TYW1: variants seen among roughly 807,000 people sequenced by gnomAD.
TYW1 encodes the protein tRNA-yW synthesizing protein 1 homolog.
In TYW1, 46 loss-of-function variants were observed where a neutral mutation model predicts 96.2. The ratio of observed to expected loss-of-function variants is 0.48; its 90% confidence interval spans 0.38 to 0.61. The LOEUF (loss-of-function observed/expected upper bound fraction) is 0.61. Among genes scored for constraint, TYW1 ranks in the 20% least tolerant of loss-of-function variants. The pLI, the probability that TYW1 is intolerant of heterozygous loss-of-function variation, is 0.00. For missense variants in TYW1, 684 were observed against 909.6 expected, an observed-to-expected ratio of 0.75 and a Z score of 3.19; for synonymous variants, 274 against 323.0, an observed-to-expected ratio of 0.85 and a Z score of 1.63.
chr7:67,091,861 T>C (rs1796730954), intron 11 of TYW1, among the ~76,000 whole-genome samples: 1 of 152,198 alleles, frequency 6.6e-6, no homozygotes, highest in South Asian at 2.1e-4. Flanking sequence ...ATTTTGTTTG[T>C]TTTTGTGATT....
At chr7:67,036,663 C>T (rs1410268675) in intron 7 of TYW1, among the ~76,000 whole-genome samples, 1 of 152,198 alleles carries the variant, frequency 6.6e-6, no homozygotes, top group Middle Eastern at 3.2e-3. Flanking sequence ...CGTGCTGGAA[C>T]AAGAGGTATT....
At chr7:67,057,818 A>T in intron 9 of TYW1, among the ~76,000 whole-genome samples, 1 of 152,306 alleles carries the variant, frequency 6.6e-6, no homozygotes, top group South Asian at 2.1e-4. Flanking sequence ...TTGAATGTGC[A>T]TTGTGAATAT....
chr7:67,071,531 C>T (rs1007084162), intron 10 of TYW1, among the ~76,000 whole-genome samples: 1 of 151,962 alleles, frequency 6.6e-6, no homozygotes, highest in Non-Finnish European at 1.5e-5. Flanking sequence ...TGGCCCACTG[C>T]AACCTCCACT....
intron 13 of TYW1, among the ~76,000 whole-genome samples, chr7:67,153,681 TAGA>T (rs1425108544): frequency 1.3e-5 from 2 of 152,204 alleles, no homozygotes; most frequent in Non-Finnish European, 2.9e-5. Flanking sequence ...TTTCACTCCC[TAGA>T]AGGAGTATCT....
chr7:67,067,150 T>A (rs1795891523), intron 9 of TYW1, 135 bp from the exon 10 acceptor site: 1 of 998,174 alleles, frequency 1.0e-6, no homozygotes, highest in Non-Finnish European at 1.5e-6. Flanking sequence ...GATGCGAATT[T>A]CCTGCGTCAT....
chr7:67,099,232 A>G (rs532784742), intron 12 of TYW1, among the ~76,000 whole-genome samples: 3 of 152,008 alleles, frequency 2.0e-5, no homozygotes, highest in African/African-American at 4.8e-5. Context: ...GGCTTTCACC[A>G]TGTTGGCCAA....
intron 15 of TYW1, among the ~76,000 whole-genome samples, chr7:67,219,845 G>GTTTTTTTTTTTTTTTTTTTTTT (rs57991071): frequency 7.6e-6 from 1 of 132,070 alleles, no homozygotes; most frequent in Non-Finnish European, 1.6e-5. Flanking sequence ...GGTTTTGTGG[G>GTTTTTTTTTTTTTTTTTTTTTT]TTTTTTTTTT....
chr7:67,020,265 C>A (rs982533366), intron 6 of TYW1, among the ~76,000 whole-genome samples: 1 of 152,270 alleles, frequency 6.6e-6, no homozygotes, highest in Admixed American at 6.5e-5. Flanking sequence ...GCCTGTAAAT[C>A]CCTGCTACTC....
chr7:67,004,350 G>A lies in TYW1; in HGVS notation c.274-5233G>A, dbSNP rs555624429. Among the ~76,000 whole-genome samples the A allele has an allele frequency of 5.3e-5, 8 of 152,168 alleles. No homozygotes were observed. In the East Asian group the frequency reaches 1.5e-3, roughly 29 times the overall value. ...CCTCCTGAATAGATGAATCCCTGGG[G>A]GAGGGGTGAGTGAGTTCTTGCTGTC... is the stretch of plus-strand genomic sequence containing the variant. On this transcript the variant is annotated intron_variant, in intron 3 of 15. Coordinates refer to ENST00000359626, the MANE Select transcript of TYW1 (RefSeq NM_018264.4).
chr7:67,039,881 T>C (rs1222278419), intron 7 of TYW1, among the ~76,000 whole-genome samples: 2 of 152,054 alleles, frequency 1.3e-5, no homozygotes, highest in African/African-American at 4.8e-5. Flanking sequence ...CAGGATGGTC[T>C]TGATCCATTG....
intron 15 of TYW1, among the ~76,000 whole-genome samples, chr7:67,206,748 C>T (rs1800814496): frequency 1.3e-5 from 2 of 152,048 alleles, no homozygotes; most frequent in South Asian, 4.1e-4. Context: ...GAAGAATACA[C>T]TAAAATGATC....
chr7:67,070,841 G>A (rs1197838763), intron 10 of TYW1, among the ~76,000 whole-genome samples: 1 of 152,020 alleles, frequency 6.6e-6, no homozygotes, highest in Admixed American at 6.6e-5. Flanking sequence ...GTTGAAAACT[G>A]TATATTTTGG....
chr7:67,010,329 A>G (rs1254877781), intron 4 of TYW1, among the ~76,000 whole-genome samples: 1 of 151,580 alleles, frequency 6.6e-6, no homozygotes, highest in Non-Finnish European at 1.5e-5. Context: ...AATTTATTTT[A>G]TAGAGACAGG....
chr7:67,106,139 C>T (rs1377418364), intron 12 of TYW1, among the ~76,000 whole-genome samples: 6 of 152,098 alleles, frequency 3.9e-5, no homozygotes, highest in African/African-American at 7.2e-5. Context: ...TCAGGTGATC[C>T]GCCCACCTTG....
At chr7:67,074,768 A>G (rs1796152350) in intron 10 of TYW1, among the ~76,000 whole-genome samples, 1 of 151,800 alleles carries the variant, frequency 6.6e-6, no homozygotes. Flanking sequence ...AAAACAACAT[A>G]CCTTCCTTAC....
intron 4 of TYW1, among the ~76,000 whole-genome samples, chr7:67,012,445 C>T (rs1246905395): frequency 6.6e-6 from 1 of 152,118 alleles, no homozygotes; most frequent in Non-Finnish European, 1.5e-5. Flanking sequence ...TTAACTCTGT[C>T]CATTTCTTTG....
intron 4 of TYW1, among the ~76,000 whole-genome samples, chr7:67,010,538 C>T (rs1205235299): frequency 2.0e-5 from 3 of 150,720 alleles, no homozygotes; most frequent in Non-Finnish European, 3.0e-5. Flanking sequence ...TGTAGTGGCG[C>T]GATCTCAGCT....
In TYW1 at chr7:67,083,450, G is replaced by T; in HGVS notation, c.1295G>T (p.Gly432Val). The change falls in exon 11 of 16, where the codon GGC becomes GTC. Residue 432 changes from glycine to valine, a missense_variant. By Grantham distance (109) the Gly-to-Val change is moderately radical. Coordinates refer to ENST00000359626, the MANE Select transcript of TYW1 (RefSeq NM_018264.4). ...FCWRHHTNPV[G>V]TEWRWKMDQP... is the part of the protein sequence containing the mutation. ...CCTAGGCACCACACCAACCCCGTGG[G>T]CACTGAGTGGCGGTGGAAGATGGAC... The T allele has an allele frequency of 6.2e-7, 1 of 1,614,156 alleles. No individual in the cohort carries two copies. Among genetic ancestry groups the T allele is most frequent in the Non-Finnish European group, 8.5e-7 (1 of 1,180,024 alleles).
rs191597505 is a variant in TYW1, at chr7:67,179,166, G to A, written c.1699-3960G>A. 5.7e-3 allele frequency among the ~76,000 whole-genome samples: 774 copies of A among 135,944 alleles called. 105 individuals carry two copies. Among genetic ancestry groups the A allele is most frequent in the Non-Finnish European group, 9.0e-3 (570 of 63,296 alleles). 89.2% of individuals were successfully genotyped at this position (135,944 alleles called of 152,430 possible). A position where few individuals can be genotyped will look rare whatever the true frequency, so the allele number is the denominator to read the frequency against. On this transcript the variant is annotated intron_variant, in intron 13 of 15. Transcript: ENST00000359626. ...ATGCACATATTTACATGCAAATTAA[G>A]GGGCAGGCCAATGCAAATAAAGGGA...
Sources: gnomAD v4.1 joint callset for allele counts (sites outside exome capture counted in the v4.1 genomes callset) on GRCh38, gnomAD v4.1.1 for gene constraint, MANE v1.5 for transcripts, NCBI Gene and HGNC (gene_info 2026-07-23, HGNC 2026-07-21) for gene names.